PANK1: variants seen among roughly 807,000 people sequenced by gnomAD.
PANK1 encodes pantothenic acid kinase 1.
In PANK1, 18 loss-of-function variants were observed where a neutral mutation model predicts 40.1. The observed-to-expected ratio is 0.45, with a 90% confidence interval of 0.31 to 0.67. PANK1 has a LOEUF of 0.67. PANK1 is among the 30% of genes least tolerant of loss of function. The pLI is 0.06. For synonymous variants in PANK1, 242 were observed against 237.7 expected (o/e 1.02, Z -0.17); for missense variants, 457 against 599.6 (o/e 0.76, Z 2.48).
rs540846715 is a variant in PANK1, at chr10:89,587,254, C to G, written c.1326+1398G>C. 2.0e-5 allele frequency among the ~76,000 whole-genome samples: 3 copies of G among 152,306 alleles called. No individual in the cohort carries two copies. The South Asian group carries it at 6.2e-4, about 32-fold the overall frequency. Reference sequence around the variant, plus strand: ...AATAAGCTACTCTTAGTAGCCCAAGCACTTCTGTTCTTACCAGCTGAATTG... The same window carrying G: ...AATAAGCTACTCTTAGTAGCCCAAGGACTTCTGTTCTTACCAGCTGAATTG... On this transcript the variant is annotated intron_variant, in intron 6 of 6. Transcript: ENST00000307534.
intron 2 of PANK1, among the ~76,000 whole-genome samples, chr10:89,605,789 A>T (rs1171611464): frequency 1.3e-5 from 2 of 152,134 alleles, no homozygotes; most frequent in Non-Finnish European, 2.9e-5. Context: ...TTTTACCCAG[A>T]TCCATCAAAG....
In PANK1 at chr10:89,644,579, TC is replaced by T; in HGVS notation, c.292+20del. The T allele has an allele frequency of 1.3e-6, 2 of 1,576,174 alleles. No homozygotes were observed. On this transcript the variant is annotated intron_variant, in intron 1 of 6. Coordinates refer to ENST00000307534, the MANE Select transcript of PANK1 (RefSeq NM_148977.3). ...CGCTGCGTCTGCCTTGCGCCCGCGC[TC>T]CCCTCCCAGCGGGACTTACGCGGCC... is the stretch of plus-strand genomic sequence containing the variant.
chr10:89,609,772 G>C (rs542724463), intron 2 of PANK1, among the ~76,000 whole-genome samples: 7 of 152,292 alleles, frequency 4.6e-5, no homozygotes, highest in African/African-American at 1.7e-4. Context: ...AGGAGGAAAG[G>C]CTTCTTTATC....
Position 89,627,214 on chromosome 10 carries a change from G to A in PANK1, c.293-15166C>T, listed in dbSNP as rs1458773013. 8.9e-5 allele frequency among the ~76,000 whole-genome samples: 13 copies of A among 146,816 alleles called. No individual in the cohort carries two copies. In the Admixed American group the frequency reaches 8.9e-4, roughly 10 times the overall value. On this transcript the variant is annotated intron_variant, in intron 1 of 6. Coordinates refer to ENST00000307534, the MANE Select transcript of PANK1 (RefSeq NM_148977.3). ...GTTCCAATCACGGATTGAACCAACT[G>A]CAGACTGAAAATATTTGAAAAAAAA...
chr10:89,622,191 T>C (rs1471366314), intron 1 of PANK1, among the ~76,000 whole-genome samples: 3 of 152,202 alleles, frequency 2.0e-5, no homozygotes, highest in Non-Finnish European at 4.4e-5. Flanking sequence ...GTAGTGAATA[T>C]AAAATTTAAT....
intron 2 of PANK1, 142 bp from the exon 3 acceptor site, chr10:89,599,647 A>T: frequency 1.3e-6 from 1 of 797,210 alleles, no homozygotes; most frequent in South Asian, 1.9e-5. Flanking sequence ...AATCTTGCAG[A>T]TAATCAGCCA....
chr10:89,629,560 C>A (rs1013092553), intron 1 of PANK1, among the ~76,000 whole-genome samples: 1 of 152,074 alleles, frequency 6.6e-6, no homozygotes, highest in Non-Finnish European at 1.5e-5. Flanking sequence ...AATTCTGAAT[C>A]CCAGATATGA....
intron 6 of PANK1, among the ~76,000 whole-genome samples, chr10:89,584,826 C>G (rs930618300): frequency 1.3e-4 from 20 of 152,162 alleles, no homozygotes; most frequent in African/African-American, 4.8e-4. Context: ...GGTCACAGGT[C>G]TTGTACCAGG....
chr10:89,591,814 C>T (rs1403312298), intron 5 of PANK1, among the ~76,000 whole-genome samples: 3 of 152,186 alleles, frequency 2.0e-5, no homozygotes, highest in Admixed American at 6.5e-5. Context: ...AAGTCAGTTG[C>T]TCTCTCCCAA....
At chr10:89,596,292 G>A (rs1381220241) in intron 3 of PANK1, among the ~76,000 whole-genome samples, 1 of 152,138 alleles carries the variant, frequency 6.6e-6, no homozygotes, top group Non-Finnish European at 1.5e-5. Flanking sequence ...TGGACATTAA[G>A]GATTTGTATC....
At chr10:89,596,258 TCATCCC>T (rs1407827537) in intron 3 of PANK1, among the ~76,000 whole-genome samples, 1 of 152,210 alleles carries the variant, frequency 6.6e-6, no homozygotes, top group Non-Finnish European at 1.5e-5. Flanking sequence ...TAAATATCTG[TCATCCC>T]CATGAATAAT....
intron 2 of PANK1, among the ~76,000 whole-genome samples, chr10:89,608,999 T>G (rs1350853999): frequency 2.6e-5 from 4 of 152,180 alleles, no homozygotes; most frequent in African/African-American, 4.8e-5. Flanking sequence ...CTGCCAGCAC[T>G]CCCTATCTTC....
At chr10:89,636,878 T>C (rs1487658069) in intron 1 of PANK1, among the ~76,000 whole-genome samples, 2 of 151,434 alleles carry the variant, frequency 1.3e-5, no homozygotes, top group East Asian at 2.0e-4. Context: ...TTTTTTTTTT[T>C]TGAGACAGAG....
intron 2 of PANK1, among the ~76,000 whole-genome samples, chr10:89,604,965 A>C (rs1457979664): frequency 1.3e-5 from 2 of 151,148 alleles, no homozygotes; most frequent in South Asian, 2.1e-4. Context: ...GTTAGCCAGG[A>C]TGGTCTCGAT....
At chr10:89,611,623 C>A in intron 2 of PANK1, 73 bp downstream of exon 2, 2 of 1,108,296 alleles carry the variant, frequency 1.8e-6, no homozygotes, top group Non-Finnish European at 2.6e-6. Context: ...TAGTATGGTT[C>A]TTCGGTATGA....
downstream of PANK1, chr10:89,582,040 A>G (rs1231008781): frequency 2.0e-5 from 3 of 152,360 alleles, no homozygotes; most frequent in East Asian, 5.8e-4. Flanking sequence ...CATTGTAGCT[A>G]TCATTAATGA....
At chr10:89,594,393 G>A (rs182243653) in intron 3 of PANK1, among the ~76,000 whole-genome samples, 1 of 152,266 alleles carries the variant, frequency 6.6e-6, no homozygotes, top group East Asian at 1.9e-4. Flanking sequence ...ACCATATGCA[G>A]CTGAATATAA....
At chr10:89,615,830 A>T (rs928842757) in intron 1 of PANK1, among the ~76,000 whole-genome samples, 3 of 152,242 alleles carry the variant, frequency 2.0e-5, no homozygotes, top group Non-Finnish European at 4.4e-5. Flanking sequence ...CCTGATATCA[A>T]GATCTGCCTA....
At chr10:89,599,973 T>A (rs1050379203) in intron 2 of PANK1, among the ~76,000 whole-genome samples, 1 of 152,088 alleles carries the variant, frequency 6.6e-6, no homozygotes, top group African/African-American at 2.4e-5. Context: ...GAGAAGGCCA[T>A]GTGAAGACAA....
Sources: allele counts gnomAD v4.1 joint callset (sites outside exome capture counted in the v4.1 genomes callset), GRCh38; gene constraint gnomAD v4.1.1; transcripts MANE v1.5; gene names NCBI Gene and HGNC (gene_info 2026-07-23, HGNC 2026-07-21).